Variants in CCDC178 observed in about 807,000 individuals in gnomAD.
CCDC178 encodes the protein coiled-coil domain containing 178.
CCDC178 carries 126 observed loss-of-function variants against 117.4 expected under a neutral mutation model. That is an observed-to-expected ratio of 1.07 (90% CI 0.93 to 1.24). The LOEUF (loss-of-function observed/expected upper bound fraction) is 1.24, where lower values mean the gene tolerates loss of function less well. Ranked by LOEUF, CCDC178 falls within the 50% of genes most tolerant of loss-of-function variation. The pLI is 0.00. For missense variants in CCDC178, 1,030 were observed against 986.9 expected (o/e 1.04, Z -0.59); for synonymous variants, 283 against 313.4 (o/e 0.90, Z 1.02).
chr18:33,388,582 G>C (rs1162368828), intron 5 of CCDC178, among the ~76,000 whole-genome samples: 1 of 121,610 alleles, frequency 8.2e-6, no homozygotes, highest in African/African-American at 3.1e-5. Context: ...TGCAGTGGCG[G>C]GATCTCGGCT....
intron 20 of CCDC178, among the ~76,000 whole-genome samples, chr18:33,200,292 G>T (rs2144552557): frequency 6.6e-6 from 1 of 152,298 alleles, no homozygotes; most frequent in South Asian, 2.1e-4. Context: ...CCATCCTTAG[G>T]CCATTCCCAA....
At chr18:33,363,699 T>A (rs1199091437) in intron 6 of CCDC178, among the ~76,000 whole-genome samples, 2 of 152,056 alleles carry the variant, frequency 1.3e-5, no homozygotes, top group African/African-American at 2.4e-5. Context: ...TCACTTTAGT[T>A]CATAGATCTA....
At chr18:32,990,839 A>T (rs1014160899) in intron 21 of CCDC178, among the ~76,000 whole-genome samples, 2 of 151,930 alleles carry the variant, frequency 1.3e-5, no homozygotes, top group Non-Finnish European at 2.9e-5. Flanking sequence ...CCAATATGAA[A>T]AAGAAAAGAA....
intron 21 of CCDC178, among the ~76,000 whole-genome samples, chr18:33,018,713 A>T (rs1310584804): frequency 2.6e-5 from 4 of 152,094 alleles, no homozygotes; most frequent in Non-Finnish European, 5.9e-5. Context: ...CACAGAATAG[A>T]TTAGAAGTTA....
At chr18:32,998,083 A>G (rs2055554770) in intron 21 of CCDC178, among the ~76,000 whole-genome samples, 1 of 152,214 alleles carries the variant, frequency 6.6e-6, no homozygotes, top group Non-Finnish European at 1.5e-5. Context: ...AGATAGTTGG[A>G]AAGACAGTGT....
At chr18:33,320,693 C>T (rs1466852440) in intron 11 of CCDC178, among the ~76,000 whole-genome samples, 2 of 152,142 alleles carry the variant, frequency 1.3e-5, no homozygotes, top group African/African-American at 2.4e-5. Context: ...AATGCCATCC[C>T]CATCAAGCTA....
chr18:33,117,618 T>C (rs970670733), intron 20 of CCDC178, among the ~76,000 whole-genome samples: 3 of 151,888 alleles, frequency 2.0e-5, no homozygotes, highest in African/African-American at 7.3e-5. Flanking sequence ...ATATACCTAA[T>C]GTAAATGATG....
chr18:33,113,668 T>C (rs2057813697), intron 20 of CCDC178, among the ~76,000 whole-genome samples: 1 of 152,026 alleles, frequency 6.6e-6, no homozygotes, highest in Non-Finnish European at 1.5e-5. Flanking sequence ...GAAAAAGAAA[T>C]GTCTACCTAT....
chr18:33,233,635 T>C (rs1334605833), intron 15 of CCDC178, among the ~76,000 whole-genome samples: 1 of 152,046 alleles, frequency 6.6e-6, no homozygotes, highest in Non-Finnish European at 1.5e-5. Flanking sequence ...AGGAGTATTT[T>C]TATGCTACTT....
At chr18:33,092,183 C>T (rs1598874390) in intron 21 of CCDC178, among the ~76,000 whole-genome samples, 1 of 152,026 alleles carries the variant, frequency 6.6e-6, no homozygotes, top group Non-Finnish European at 1.5e-5. Context: ...AAGGAAGTGG[C>T]TGTATTATAA....
chr18:33,137,357 G>C (rs271584), intron 20 of CCDC178, among the ~76,000 whole-genome samples: 15,217 of 152,124 alleles, frequency 0.1, 1,010 homozygotes, highest in African/African-American at 0.19. Flanking sequence ...ACAAATGATT[G>C]TATAAGGAAT....
chr18:33,078,961 A>G (rs747492494), intron 21 of CCDC178, among the ~76,000 whole-genome samples: 1 of 152,210 alleles, frequency 6.6e-6, no homozygotes, highest in Non-Finnish European at 1.5e-5. Flanking sequence ...AAAAGCCTGA[A>G]TAGCCAAGGC....
At chr18:33,380,412 C>A (rs560735921) in intron 5 of CCDC178, among the ~76,000 whole-genome samples, 8 of 152,302 alleles carry the variant, frequency 5.3e-5, no homozygotes, top group Admixed American at 1.3e-4. Context: ...AGTTTGTGTG[C>A]ACCCAGATTA....
chr18:32,941,943 G>A (rs1375546028), intron 22 of CCDC178, among the ~76,000 whole-genome samples: 1 of 152,060 alleles, frequency 6.6e-6, no homozygotes, highest in Non-Finnish European at 1.5e-5. Context: ...CTACTACAAT[G>A]ACCTGAATAT....
chr18:33,008,521 A>G (rs1373686668), intron 21 of CCDC178, among the ~76,000 whole-genome samples: 1 of 151,746 alleles, frequency 6.6e-6, no homozygotes, highest in Non-Finnish European at 1.5e-5. Flanking sequence ...CCTCCTCTCT[A>G]CTCAATCATT....
chr18:33,294,313 G>C (rs2062077853), intron 11 of CCDC178, among the ~76,000 whole-genome samples: 1 of 152,060 alleles, frequency 6.6e-6, no homozygotes, highest in Non-Finnish European at 1.5e-5. Context: ...AAATAATATA[G>C]ATAATTACAA....
chr18:32,991,178 C>T (rs901270139), intron 21 of CCDC178, among the ~76,000 whole-genome samples: 12 of 152,226 alleles, frequency 7.9e-5, no homozygotes, highest in African/African-American at 2.9e-4. Flanking sequence ...AAATAATATA[C>T]TACATAGTGG....
intron 20 of CCDC178, among the ~76,000 whole-genome samples, chr18:33,185,626 G>T (rs541730761): frequency 6.6e-6 from 1 of 151,892 alleles, no homozygotes; most frequent in South Asian, 2.1e-4. Context: ...CAAGGAGATC[G>T]CAGTAAACAA....
Position 33,346,248 on chromosome 18 carries a change from G to C in CCDC178, c.621C>G (p.Val207=), listed in dbSNP as rs1359174909. 6.2e-7 allele frequency: 1 copy of C among 1,613,806 alleles called. No homozygotes were observed. Among genetic ancestry groups the C allele is most frequent in the Non-Finnish European group, 8.5e-7 (1 of 1,179,824 alleles). ...CCAATGGGAGTTCTTGAAGTTTCCA[G>C]ACTGACCAAGAGTCAATTTTCATGT... ...MINMKIDSWS[V]WKLQELPLAV... The change falls in exon 9 of 23, where the codon GTC becomes GTG. Residue 207 remains valine (V), a synonymous_variant. Transcript: ENST00000383096.
Sources: gnomAD v4.1 joint callset for allele counts (sites outside exome capture counted in the v4.1 genomes callset) on GRCh38, gnomAD v4.1.1 for gene constraint, MANE v1.5 for transcripts, NCBI Gene and HGNC (gene_info 2026-07-23, HGNC 2026-07-21) for gene names.